The following LRRC1 variants were observed in gnomAD, a reference collection of about 807,000 sequenced individuals.
The protein encoded by LRRC1 is leucine-rich repeat-containing protein 1.
Under a neutral mutation model 69.9 loss-of-function variants are expected in LRRC1, and 28 were observed. The ratio of observed to expected loss-of-function variants is 0.40; its 90% CI spans 0.30 to 0.55. LRRC1 has a LOEUF of 0.55. LRRC1 is among the 20% of genes least tolerant of loss of function. The pLI is 0.47. For synonymous variants in LRRC1, 236 were observed against 240.2 expected (o/e 0.98, Z 0.16); for missense variants, 498 against 609.0 (o/e 0.82, Z 1.92).
chr6:53,875,317 C>T (rs1043413788), intron 2 of LRRC1, among the ~76,000 whole-genome samples: 1 of 152,040 alleles, frequency 6.6e-6, no homozygotes, highest in Non-Finnish European at 1.5e-5. Flanking sequence ...TGCTTTTCTG[C>T]CATTAAGAAC....
intron 13 of LRRC1, among the ~76,000 whole-genome samples, chr6:53,921,835 G>A (rs187727209): frequency 6.6e-6 from 1 of 152,226 alleles, no homozygotes; most frequent in East Asian, 1.9e-4. Flanking sequence ...GCAAATTAGG[G>A]ATGACAAAAT....
chr6:53,920,206 A>G (rs1238149608), intron 12 of LRRC1, among the ~76,000 whole-genome samples: 1 of 152,230 alleles, frequency 6.6e-6, no homozygotes, highest in Non-Finnish European at 1.5e-5. Flanking sequence ...ACCCTAGAGA[A>G]AAACGTGGTG....
Position 53,922,995 on chromosome 6 carries a change from A to AT in LRRC1, c.*216dup, listed in dbSNP as rs11307213. 0.011 allele frequency: 4,363 copies of AT among 398,696 alleles called. No individual in the cohort carries two copies. The highest frequency in any genetic ancestry group is 0.013 in the Non-Finnish European group (2,996 of 224,746). The allele number at this position is 398,696 out of a possible 1,614,324, so 24.7% of individuals were successfully genotyped here. ...AGCGCACCAGTGGTCTCCCGGTGTG[A>AT]TTTTTTTTTTTTTTAATTTCAGTTG... On this transcript the variant is annotated 3_prime_UTR_variant, in exon 14 of 14. Transcript: ENST00000370888.
At chr6:53,867,074 G>A (rs1766724835) in intron 2 of LRRC1, among the ~76,000 whole-genome samples, 2 of 152,036 alleles carry the variant, frequency 1.3e-5, no homozygotes, top group Non-Finnish European at 2.9e-5. Context: ...ATGGCATAGG[G>A]CCAAATCCTG....
At chr6:53,855,304 A>G (rs1277679183) in intron 2 of LRRC1, among the ~76,000 whole-genome samples, 1 of 152,230 alleles carries the variant, frequency 6.6e-6, no homozygotes, top group Non-Finnish European at 1.5e-5. Context: ...TTGTTTTACA[A>G]AATGTTAAAG....
rs758005872 is a variant in LRRC1 at position 53,795,281 on chromosome 6, C to A, written c.25C>A (p.Arg9=). 6.2e-7 allele frequency: 1 copy of A among 1,611,658 alleles called. No individual in the cohort carries two copies. The highest frequency in any genetic ancestry group is 8.5e-7 in the Non-Finnish European group (1 of 1,179,612). The change falls in exon 1 of 14, where the codon CGG becomes AGG. Residue 9 remains arginine (R), a synonymous_variant. Transcript: ENST00000370888. MFHCIPLW[R]CNRHVESIDK... Reference sequence around the variant, plus strand: ...GATGTTCCACTGCATCCCCCTGTGGCGGTGCAACCGTCATGTGGAGAGCAT... The same window carrying A: ...GATGTTCCACTGCATCCCCCTGTGGAGGTGCAACCGTCATGTGGAGAGCAT...
rs927964616 is a variant in LRRC1, at chr6:53,919,750, C to G, written c.1279+80C>G. The stretch of plus-strand genomic sequence containing the variant: ...ATGTCTGTCCATAAGGCCTCTTACT[C>G]CCTCATGTGATTGTGTTATATCCAG... On this transcript the variant is annotated intron_variant, in intron 12 of 13. Coordinates refer to ENST00000370888, the MANE Select transcript of LRRC1 (RefSeq NM_018214.5). 79 of 1,278,180 alleles carry G rather than the reference C, an allele frequency of 6.2e-5. No homozygotes were observed. In the South Asian group the frequency reaches 6.7e-4, roughly 11 times the overall value. 79.2% of individuals were successfully genotyped at this position (1,278,180 alleles called of 1,614,324 possible).
At chr6:53,922,531 TA>T in intron 13 of LRRC1, 103 bp from the exon 14 acceptor site, 1 of 1,055,904 alleles carries the variant, frequency 9.5e-7, no homozygotes, top group Non-Finnish European at 1.4e-6. Context: ...TAAGAATTTC[TA>T]AGAAGGTAAC....
chr6:53,797,273 C>G lies in LRRC1; in HGVS notation c.159+1858C>G, dbSNP rs180743970. Reference sequence around the variant, plus strand: ...TCTGTAAATATGGTAAATAAACAAGCTTTTCAAAGGTTACAGGTGATCTTG... The same window carrying G: ...TCTGTAAATATGGTAAATAAACAAGGTTTTCAAAGGTTACAGGTGATCTTG... On this transcript the variant is annotated intron_variant, in intron 1 of 13. Coordinates refer to ENST00000370888, the MANE Select transcript of LRRC1 (RefSeq NM_018214.5). 3.1e-3 allele frequency among the ~76,000 whole-genome samples: 465 copies of G among 152,216 alleles called. 5 individuals are homozygous for G. Among genetic ancestry groups the G allele is most frequent in the African/African-American group, 0.011 (439 of 41,536 alleles).
chr6:53,838,755 G>C (rs1418846452), intron 1 of LRRC1, among the ~76,000 whole-genome samples: 1 of 152,124 alleles, frequency 6.6e-6, no homozygotes, highest in Non-Finnish European at 1.5e-5. Context: ...AATCTCAACT[G>C]CATGAGTAAA....
rs182683027 is a variant in LRRC1 at position 53,884,095 on chromosome 6, C to G, written c.446+1119C>G. 4 of 694,742 alleles carry G rather than the reference C, an allele frequency of 5.8e-6. No homozygotes were observed. The East Asian group carries it at 1.1e-4, about 19-fold the overall frequency. 43.0% of individuals were successfully genotyped at this position (694,742 alleles called of 1,614,324 possible). A position where few individuals can be genotyped will look rare whatever the true frequency, so the allele number is the denominator to read the frequency against. On this transcript the variant is annotated intron_variant, in intron 4 of 13. Transcript: ENST00000370888. ...TCAGGAGGAGAAGAAGACAGGAAGC[C>G]CTCAATACACTCTAGGTGTATGGTA... is the stretch of plus-strand genomic sequence containing the variant.
chr6:53,802,222 T>C (rs978680071), intron 1 of LRRC1, among the ~76,000 whole-genome samples: 1 of 152,146 alleles, frequency 6.6e-6, no homozygotes, highest in Non-Finnish European at 1.5e-5. Context: ...GAAAGATCTT[T>C]GTTTCTAGAA....
At chr6:53,832,633 A>T (rs1486365999) in intron 1 of LRRC1, among the ~76,000 whole-genome samples, 2 of 152,216 alleles carry the variant, frequency 1.3e-5, no homozygotes, top group African/African-American at 4.8e-5. Context: ...TAAACAGATT[A>T]TATCCCCCTC....
intron 2 of LRRC1, among the ~76,000 whole-genome samples, chr6:53,847,785 G>A (rs1315272728): frequency 3.9e-5 from 6 of 152,344 alleles, no homozygotes; most frequent in African/African-American, 1.2e-4. Context: ...TGAAATGATA[G>A]CATCAAATCA....
chr6:53,796,118 G>A (rs4615391), intron 1 of LRRC1, among the ~76,000 whole-genome samples: 130,074 of 152,268 alleles, frequency 0.85, 55,644 homozygotes, highest in East Asian at 0.96. Context: ...GAACGTCAGC[G>A]GAGGCTCTGC....
At chr6:53,803,847 A>G (rs1764560921) in intron 1 of LRRC1, among the ~76,000 whole-genome samples, 1 of 152,148 alleles carries the variant, frequency 6.6e-6, no homozygotes, top group Non-Finnish European at 1.5e-5. Context: ...CTGAATGGAG[A>G]GGACTCTGTC....
At chr6:53,902,884 G>T in intron 9 of LRRC1, 137 bp downstream of exon 9, 1 of 597,048 alleles carries the variant, frequency 1.7e-6, no homozygotes, top group Non-Finnish European at 2.9e-6. Context: ...ATGACCTAAA[G>T]ATCAGTTTTT....
At chr6:53,879,127 C>A in intron 3 of LRRC1, 56 bp downstream of exon 3, 3 of 1,209,332 alleles carry the variant, frequency 2.5e-6, no homozygotes, top group Non-Finnish European at 3.6e-6. Flanking sequence ...TTTTTGAGAG[C>A]CAAGCGGAGA....
intron 2 of LRRC1, among the ~76,000 whole-genome samples, chr6:53,861,907 G>A (rs1161909130): frequency 6.6e-6 from 1 of 152,222 alleles, no homozygotes. Context: ...GGAAAGATAA[G>A]TGTTGCTTAG....
Sources: allele counts gnomAD v4.1 joint callset (sites outside exome capture counted in the v4.1 genomes callset), GRCh38; gene constraint gnomAD v4.1.1; transcripts MANE v1.5; gene names NCBI Gene and HGNC (gene_info 2026-07-23, HGNC 2026-07-21).